Variants in OLFM1 observed in about 807,000 individuals in gnomAD.
The protein encoded by OLFM1 is noelin.
Under a neutral mutation model 49.7 loss-of-function variants are expected in OLFM1, and 9 were observed. The ratio of observed to expected loss-of-function variants is 0.18; its 90% confidence interval spans 0.11 to 0.32. OLFM1 has a LOEUF of 0.32. OLFM1 is among the 10% of genes least tolerant of loss of function. OLFM1 has a pLI of 1.00. For synonymous variants in OLFM1, 240 were observed against 271.8 expected (o/e 0.88, Z 1.15); for missense variants, 369 against 661.8 (o/e 0.56, Z 4.85).
At chr9:135,105,247 G>T (rs924545583) in intron 4 of OLFM1, among the ~76,000 whole-genome samples, 3 of 152,260 alleles carry the variant, frequency 2.0e-5, no homozygotes, top group African/African-American at 7.2e-5. Context: ...CTTCCAATCG[G>T]GGCAGAGGCG....
At chr9:135,109,521 G>A (rs1054654478) in intron 5 of OLFM1, among the ~76,000 whole-genome samples, 1 of 152,120 alleles carries the variant, frequency 6.6e-6, no homozygotes, top group Non-Finnish European at 1.5e-5. Context: ...GGAGCCACCC[G>A]GAGCCTGCTC....
At chr9:135,103,039 T>C (rs954307851) in intron 4 of OLFM1, among the ~76,000 whole-genome samples, 1 of 152,214 alleles carries the variant, frequency 6.6e-6, no homozygotes. Context: ...CACAGCGCTC[T>C]GCCCTCTGAG....
At chr9:135,116,443 T>TA (rs1446289158) in intron 5 of OLFM1, among the ~76,000 whole-genome samples, 1 of 152,150 alleles carries the variant, frequency 6.6e-6, no homozygotes, top group Admixed American at 6.5e-5. Context: ...GAAGGTGATT[T>TA]AAAAATCCTT....
At chr9:135,118,520 A>AGTGCTCGCTGGGTCTTTGGC (rs764204672) in intron 5 of OLFM1, among the ~76,000 whole-genome samples, 16,064 of 136,354 alleles carry the variant, frequency 0.12, 1,593 homozygotes, top group African/African-American at 0.18. Flanking sequence ...GGGTCTTTGG[A>AGTGCTCGCTGGGTCTTTGGC]ATGCTCGCTG....
rs1230026827 is a variant in OLFM1, at chr9:135,121,026, G to A, written c.*848G>A. On this transcript the variant is annotated 3_prime_UTR_variant, in exon 6 of 6. Transcript: ENST00000371793. ...AAATTAGCTAAATCATGTAACCGCAGATAGGAAGGGCTCGCCTGGGGAAAC... is the reference window on the plus strand; with the variant it reads ...AAATTAGCTAAATCATGTAACCGCAAATAGGAAGGGCTCGCCTGGGGAAAC... 6.6e-6 allele frequency: 1 copy of A among 152,440 alleles called. No individual in the cohort carries two copies. Among genetic ancestry groups the A allele is most frequent in the African/African-American group, 2.4e-5 (1 of 41,454 alleles). 9.4% of individuals were successfully genotyped at this position (152,440 alleles called of 1,614,324 possible).
intron 5 of OLFM1, among the ~76,000 whole-genome samples, chr9:135,107,114 G>T (rs1488470620): frequency 2.0e-5 from 3 of 152,138 alleles, no homozygotes; most frequent in African/African-American, 4.8e-5. Context: ...CCCCTTCAAG[G>T]CCTCCTCCCC....
chr9:135,088,711 A>T lies in OLFM1; in HGVS notation c.150+572A>T, dbSNP rs1345338206. Among the ~76,000 whole-genome samples, 1 of 152,036 alleles carries T rather than the reference A, an allele frequency of 6.6e-6. No homozygotes were observed. The highest frequency in any genetic ancestry group is 1.5e-5 in the Non-Finnish European group (1 of 67,976). ...AGTCCCAAGGCGCCCTTTCCTCCCC[A>T]GTCCATAGGAGGGTTTGTTCCTTCT... On this transcript the variant is annotated intron_variant, in intron 1 of 5. Coordinates refer to ENST00000371793, the MANE Select transcript of OLFM1 (RefSeq NM_001282611.2). The surrounding 1 kb of genome is among the most constrained non-coding windows in gnomAD (Gnocchi z 4.8).
At position 135,113,467 on chromosome 9, in the gene OLFM1, A is replaced by G. The variant is rs962852457; in HGVS notation, c.784-6037A>G. On this transcript the variant is annotated intron_variant, in intron 5 of 5. Transcript: ENST00000371793. The surrounding 1 kb of genome is among the most constrained non-coding windows in gnomAD (Gnocchi z 4.0). ...GATAGCTGGCATTTATTGAACCACT[A>G]CAGGTGGCAGGTCCTCACAGGACCT... Among the ~76,000 whole-genome samples the G allele has an allele frequency of 6.6e-6, 1 of 152,100 alleles. No individual in the cohort carries two copies. The highest frequency in any genetic ancestry group is 2.4e-5 in the African/African-American group (1 of 41,404).
upstream of OLFM1, among the ~76,000 whole-genome samples, chr9:135,082,760 A>C (rs1289943531): frequency 1.3e-5 from 2 of 151,860 alleles, no homozygotes; most frequent in Non-Finnish European, 2.9e-5. Context: ...GCTTTGTTCC[A>C]TCAGCAATAC....
intron 4 of OLFM1, chr9:135,105,491 C>G (rs374500493): frequency 6.6e-6 from 1 of 152,306 alleles, no homozygotes; most frequent in Non-Finnish European, 1.5e-5. Context: ...CAGGCCACTT[C>G]CAGTTGGGAG....
intron 1 of OLFM1, chr9:135,077,070 A>AGC: frequency 1.4e-6 from 2 of 1,405,272 alleles, no homozygotes; most frequent in Non-Finnish European, 1.8e-6. Context: ...GGCCTCTAGG[A>AGC]GAGGTTTTCT....
chr9:135,088,065 C>A lies in OLFM1; in HGVS notation c.76C>A (p.Leu26Met). Residue 26 changes from leucine (L) to methionine (M), a missense_variant, in exon 1 of 6, where the codon CTG (leucine) becomes ATG (methionine). Transcript: ENST00000371793. The surrounding 1 kb of genome is among the most constrained non-coding windows in gnomAD (Gnocchi z 4.8). ...GATCACTAACTGGATGTCCCAGACG[C>A]TGCCCTCGCTGGTGGGCCTCAACAC... Reference protein sequence around the residue: ...AMITNWMSQTLPSLVGLNTTK... With the variant: ...AMITNWMSQTMPSLVGLNTTK... The A allele has an allele frequency of 1.4e-6, 2 of 1,449,614 alleles. No individual in the cohort carries two copies. The highest frequency in any genetic ancestry group is 9.2e-7 in the Non-Finnish European group (1 of 1,089,010). The allele number at this position is 1,449,614 out of a possible 1,614,324, so 89.8% of individuals were successfully genotyped here.
chr9:135,093,970 C>A (rs1232507037), intron 2 of OLFM1, among the ~76,000 whole-genome samples: 3 of 152,174 alleles, frequency 2.0e-5, no homozygotes, highest in Admixed American at 6.5e-5. Context: ...TCTTTGAAAT[C>A]TTTTAAAAGC....
chr9:135,103,528 A>C (rs1830898165), intron 4 of OLFM1, among the ~76,000 whole-genome samples: 1 of 152,130 alleles, frequency 6.6e-6, no homozygotes, highest in African/African-American at 2.4e-5. Context: ...TCACTTTTGC[A>C]TTTAAAAGAG....
At chr9:135,082,817 G>A (rs1329635238), upstream of OLFM1, among the ~76,000 whole-genome samples, 3 of 152,190 alleles carry the variant, frequency 2.0e-5, no homozygotes, top group Non-Finnish European at 4.4e-5. Context: ...CAGCAGTCTT[G>A]GTGAGAGGTG....
At chr9:135,094,465 G>A (rs867707595) in intron 2 of OLFM1, among the ~76,000 whole-genome samples, 4 of 152,114 alleles carry the variant, frequency 2.6e-5, no homozygotes, top group Non-Finnish European at 5.9e-5. Flanking sequence ...CTTGAAAAAG[G>A]TGCTGTAGTT....
rs565130582 is a variant in OLFM1 at position 135,076,949 on chromosome 9, C to A, written c.96+1147C>A. 25 of 1,550,660 alleles carry A rather than the reference C, an allele frequency of 1.6e-5. No individual in the cohort carries two copies. The African/African-American group carries it at 3.3e-4, about 20-fold the overall frequency. ...GCTCCCTGGCTCTGCCCAGGATGTG[C>A]AGTCCAAATCCCAATCCAGCAGTGG... is the stretch of plus-strand genomic sequence containing the variant. On this transcript the variant is annotated intron_variant, in intron 1 of 5. Coordinates refer to the OLFM1 transcript ENST00000252854.
At chr9:135,110,581 C>G (rs74537965) in intron 5 of OLFM1, among the ~76,000 whole-genome samples, 3 of 152,284 alleles carry the variant, frequency 2.0e-5, no homozygotes, top group Admixed American at 2.0e-4. Context: ...ATGCATAAAA[C>G]CGTGTGGGTG....
chr9:135,101,207 TTC>T (rs1830865752), intron 4 of OLFM1, among the ~76,000 whole-genome samples: 1 of 152,254 alleles, frequency 6.6e-6, no homozygotes, highest in Middle Eastern at 3.4e-3. Context: ...TGGTGAGGGC[TTC>T]TGTGAGACGT....
Sources: allele counts gnomAD v4.1 joint callset (sites outside exome capture counted in the v4.1 genomes callset), GRCh38; gene constraint gnomAD v4.1.1; non-coding constraint Gnocchi (gnomAD v3.1); transcripts MANE v1.5; gene names NCBI Gene and HGNC (gene_info 2026-07-23, HGNC 2026-07-21).